The following PTPRA variants were observed in gnomAD, a reference collection of about 807,000 sequenced individuals.
PTPRA encodes receptor-type tyrosine-protein phosphatase alpha.
A neutral mutation model predicts 104.8 loss-of-function variants in PTPRA; 25 were observed. The observed-to-expected ratio is 0.24, with a 90% CI of 0.17 to 0.33. The LOEUF (loss-of-function observed/expected upper bound fraction) is 0.33, where lower values mean the gene tolerates loss of function less well. PTPRA is among the 10% of genes least tolerant of loss of function. PTPRA has a pLI of 1.00. For synonymous variants in PTPRA, 323 were observed against 368.9 expected (o/e 0.88, Z 1.43); for missense variants, 765 against 1,015.3 (o/e 0.75, Z 3.35).
At chr20:3,001,938 C>T (rs2063646638) in intron 9 of PTPRA, among the ~76,000 whole-genome samples, 1 of 152,088 alleles carries the variant, frequency 6.6e-6, no homozygotes, top group Non-Finnish European at 1.5e-5. Flanking sequence ...TCTTGCTTCC[C>T]AGCCTGGGCA....
Position 3,019,709 on chromosome 20 carries a change from A to G in PTPRA, c.1042-1600A>G, listed in dbSNP as rs1390530416. On this transcript the variant is annotated intron_variant, in intron 13 of 23. Transcript: ENST00000399903. The stretch of plus-strand genomic sequence containing the variant: ...GAGGCTGCAATCTCGGCGCTTTGGG[A>G]GGCCAAAGCAGGCTGCTGGGAGGTG... Among the ~76,000 whole-genome samples the G allele has an allele frequency of 6.9e-3, 1,054 of 152,202 alleles. 5 individuals are homozygous for G. The highest frequency in any genetic ancestry group is 0.027 in the Middle Eastern group (8 of 294).
intron 3 of PTPRA, among the ~76,000 whole-genome samples, chr20:2,960,450 C>A (rs1280568213): frequency 6.6e-6 from 1 of 151,986 alleles, no homozygotes; most frequent in Non-Finnish European, 1.5e-5. Flanking sequence ...GGGGTTTCAC[C>A]ATGTTAGCCA....
intron 8 of PTPRA, 34 bp downstream of exon 8, chr20:2,988,139 A>C: frequency 6.5e-7 from 1 of 1,541,716 alleles, no homozygotes; most frequent in African/African-American, 1.4e-5. Context: ...GGGAACCTTC[A>C]CAAGGAAGGA....
intron 1 of PTPRA, among the ~76,000 whole-genome samples, chr20:2,900,251 C>T (rs1198606455): frequency 6.6e-6 from 1 of 152,100 alleles, no homozygotes; most frequent in East Asian, 1.9e-4. Context: ...TCAAGCCATC[C>T]TCTCGCCTCA....
chr20:2,953,932 T>A (rs1214216804), intron 3 of PTPRA, among the ~76,000 whole-genome samples: 1 of 151,426 alleles, frequency 6.6e-6, no homozygotes, highest in Non-Finnish European at 1.5e-5. Flanking sequence ...TTTTTTTTTT[T>A]TAGAGACAAG....
chr20:2,917,792 A>C (rs1007327852), intron 1 of PTPRA, among the ~76,000 whole-genome samples: 88 of 152,000 alleles, frequency 5.8e-4, no homozygotes, highest in African/African-American at 2.0e-3. Context: ...CAACATAGTG[A>C]GACCTATCTC....
chr20:2,909,911 A>G (rs1600097559), intron 1 of PTPRA, among the ~76,000 whole-genome samples: 1 of 129,832 alleles, frequency 7.7e-6, no homozygotes, highest in Non-Finnish European at 1.5e-5. Flanking sequence ...TATGACATAT[A>G]TATGTTATAT....
At chr20:2,948,501 A>T (rs2147763729) in intron 3 of PTPRA, among the ~76,000 whole-genome samples, 1 of 152,262 alleles carries the variant, frequency 6.6e-6, no homozygotes. Flanking sequence ...GCAAAACCTT[A>T]ATTCTGTATG....
intron 10 of PTPRA, 94 bp downstream of exon 10, chr20:3,005,240 C>T (rs900618979): frequency 3.2e-6 from 4 of 1,242,172 alleles, no homozygotes; most frequent in South Asian, 2.6e-5. Context: ...TTGGGCACAG[C>T]AGGGTGAATA....
chr20:2,883,966 C>T (rs1299858405), intron 1 of PTPRA, among the ~76,000 whole-genome samples: 3 of 152,142 alleles, frequency 2.0e-5, no homozygotes, highest in African/African-American at 7.2e-5. Context: ...CTATTCTGGA[C>T]ATTTCATATA....
At chr20:2,943,831 T>C (rs1242351460) in intron 2 of PTPRA, among the ~76,000 whole-genome samples, 1 of 152,186 alleles carries the variant, frequency 6.6e-6, no homozygotes, top group African/African-American at 2.4e-5. Flanking sequence ...ACTTAAATTC[T>C]AAAGTTTAAG....
At chr20:2,972,841 C>G (rs1285011079) in intron 5 of PTPRA, among the ~76,000 whole-genome samples, 1 of 151,948 alleles carries the variant, frequency 6.6e-6, no homozygotes, top group African/African-American at 2.4e-5. Flanking sequence ...CCTCAGCCTC[C>G]CAAGTAGCTG....
At chr20:2,911,766 G>A (rs2059730514) in intron 1 of PTPRA, among the ~76,000 whole-genome samples, 1 of 152,042 alleles carries the variant, frequency 6.6e-6, no homozygotes, top group African/African-American at 2.4e-5. Context: ...GAGCAGGGTG[G>A]GAGTATGGGT....
At chr20:2,978,381 A>T (rs769580082) in intron 6 of PTPRA, among the ~76,000 whole-genome samples, 3 of 152,226 alleles carry the variant, frequency 2.0e-5, no homozygotes, top group Non-Finnish European at 2.9e-5. Context: ...ATTTAAAACA[A>T]CATTACAACC....
chr20:2,993,632 C>T (rs567452423), intron 9 of PTPRA, among the ~76,000 whole-genome samples: 4 of 152,334 alleles, frequency 2.6e-5, no homozygotes, highest in South Asian at 4.1e-4. Flanking sequence ...AAGTAGAGTA[C>T]GTCTGGAAAA....
At chr20:2,966,286 C>T (rs866628261) in intron 5 of PTPRA, among the ~76,000 whole-genome samples, 1 of 152,326 alleles carries the variant, frequency 6.6e-6, no homozygotes, top group African/African-American at 2.4e-5. Flanking sequence ...ATGTTTATGG[C>T]ATAGCTGGCT....
chr20:2,903,518 T>C (rs1217254673), intron 1 of PTPRA, among the ~76,000 whole-genome samples: 1 of 152,082 alleles, frequency 6.6e-6, no homozygotes. Context: ...AGACTCTGAC[T>C]CTGCAAAAAA....
intron 2 of PTPRA, among the ~76,000 whole-genome samples, chr20:2,925,236 C>G (rs1269796038): frequency 6.6e-6 from 1 of 152,128 alleles, no homozygotes; most frequent in Non-Finnish European, 1.5e-5. Context: ...CCTTCTGTCT[C>G]TATGAATTTG....
chr20:3,019,002 C>T (rs1232319289), intron 13 of PTPRA, among the ~76,000 whole-genome samples: 2 of 139,406 alleles, frequency 1.4e-5, no homozygotes, highest in Non-Finnish European at 3.2e-5. Context: ...ACCTCCCTCC[C>T]GGACAGGGCA....
Sources: gnomAD v4.1 joint callset for allele counts (sites outside exome capture counted in the v4.1 genomes callset) on GRCh38, gnomAD v4.1.1 for gene constraint, MANE v1.5 for transcripts, NCBI Gene and HGNC (gene_info 2026-07-23, HGNC 2026-07-21) for gene names.